Variants in BICC1 observed in about 807,000 individuals in gnomAD.
BICC1 encodes the protein BicC family RNA binding protein 1.
A neutral mutation model predicts 111.0 loss-of-function variants in BICC1; 43 were observed. The ratio of observed to expected loss-of-function variants is 0.39; its 90% CI spans 0.30 to 0.50. The LOEUF is 0.50. BICC1 is among the 20% of genes least tolerant of loss of function. The pLI is 0.88. For synonymous variants in BICC1, 467 were observed against 434.4 expected, an observed-to-expected ratio of 1.07 and a Z score of -0.93; for missense variants, 1,091 against 1,203.2, an observed-to-expected ratio of 0.91 and a Z score of 1.38.
intron 2 of BICC1, among the ~76,000 whole-genome samples, chr10:58,645,422 A>G (rs1418753162): frequency 6.6e-6 from 1 of 151,462 alleles, no homozygotes. Context: ...AAAAAAAAAA[A>G]AAAAAAAAAA....
At chr10:58,638,176 A>G (rs1838008235) in intron 2 of BICC1, among the ~76,000 whole-genome samples, 1 of 152,194 alleles carries the variant, frequency 6.6e-6, no homozygotes, top group South Asian at 2.1e-4. Flanking sequence ...AGGGCTGGAA[A>G]TAGTGACTTA....
chr10:58,615,964 C>G (rs1331931423), intron 1 of BICC1, among the ~76,000 whole-genome samples: 1 of 152,066 alleles, frequency 6.6e-6, no homozygotes, highest in East Asian at 1.9e-4. Flanking sequence ...AAGTACACAC[C>G]CAGTCCCTGA....
In BICC1 at chr10:58,796,272, C is replaced by T. The variant is rs979370152; in HGVS notation, c.1180-68C>T. 3.0e-6 allele frequency: 4 copies of T among 1,354,578 alleles called. No individual in the cohort carries two copies. The African/African-American group carries it at 4.3e-5, about 15-fold the overall frequency. 83.9% of individuals were successfully genotyped at this position (1,354,578 alleles called of 1,614,324 possible). A position where few individuals can be genotyped will look rare whatever the true frequency, so the allele number is the denominator to read the frequency against. Reference sequence around the variant, plus strand: ...ATTAGCGTATTCATTTTCCACCTCCCTCCCCTCCCCCATTCATTGTAGACT... The same window carrying T: ...ATTAGCGTATTCATTTTCCACCTCCTTCCCCTCCCCCATTCATTGTAGACT... On this transcript the variant is annotated intron_variant, in intron 9 of 20. Coordinates refer to ENST00000373886, the MANE Select transcript of BICC1 (RefSeq NM_001080512.3).
chr10:58,519,176 C>T (rs1458119776), intron 1 of BICC1, among the ~76,000 whole-genome samples: 1 of 152,060 alleles, frequency 6.6e-6, no homozygotes, highest in Non-Finnish European at 1.5e-5. Flanking sequence ...TGGCTTTTTG[C>T]CTTATTTTTG....
Position 58,796,523 on chromosome 10 carries a change from C to T in BICC1, c.1363C>T (p.Leu455=), listed in dbSNP as rs201768109. Residue 455 remains leucine, a synonymous_variant, in exon 10 of 21, where the codon CTA becomes TTA. Coordinates refer to ENST00000373886, the MANE Select transcript of BICC1 (RefSeq NM_001080512.3). ...TTCAGCAGGCCTTGGACTCACTGGA[C>T]TAGGTATACAATTTATTATTACAGC... ...LASAGLGLTG[L]GLLGPTTLSL... 1.2e-6 allele frequency: 2 copies of T among 1,610,740 alleles called. No homozygotes were observed. Among genetic ancestry groups the T allele is most frequent in the East Asian group, 4.5e-5 (2 of 44,766 alleles).
intron 2 of BICC1, among the ~76,000 whole-genome samples, chr10:58,664,777 A>G (rs1838956801): frequency 6.6e-6 from 1 of 152,094 alleles, no homozygotes; most frequent in Non-Finnish European, 1.5e-5. Flanking sequence ...GTCTGTGGTA[A>G]ATAAAATTAA....
At chr10:58,572,506 G>T (rs191165294) in intron 1 of BICC1, among the ~76,000 whole-genome samples, 153 of 152,242 alleles carry the variant, frequency 1.0e-3, no homozygotes, top group Admixed American at 1.9e-3. Flanking sequence ...GATTTAAGGA[G>T]ATTGCCTGGA....
chr10:58,796,632 C>A, intron 10 of BICC1, 106 bp downstream of exon 10: 1 of 1,105,020 alleles, frequency 9.0e-7, no homozygotes, highest in East Asian at 2.7e-5. Context: ...TTTTTTTTTC[C>A]TTTGGGCTCT....
At chr10:58,785,552 G>C (rs537978274) in intron 4 of BICC1, among the ~76,000 whole-genome samples, 1 of 151,878 alleles carries the variant, frequency 6.6e-6, no homozygotes, top group Non-Finnish European at 1.5e-5. Flanking sequence ...GTGTGATCAC[G>C]TGATGTCTCT....
intron 17 of BICC1, among the ~76,000 whole-genome samples, chr10:58,808,814 C>G (rs1159376144): frequency 6.6e-6 from 1 of 151,214 alleles, no homozygotes; most frequent in African/African-American, 2.4e-5. Flanking sequence ...CTCCTGGGTT[C>G]AGGCAATTCT....
chr10:58,700,566 A>G (rs914334413), intron 2 of BICC1, among the ~76,000 whole-genome samples: 1 of 152,210 alleles, frequency 6.6e-6, no homozygotes, highest in Non-Finnish European at 1.5e-5. Flanking sequence ...CCAGACCAGT[A>G]CCTTGACTTA....
chr10:58,667,450 G>A (rs1332510981), intron 2 of BICC1, among the ~76,000 whole-genome samples: 1 of 394 alleles, frequency 2.5e-3, no homozygotes, highest in African/African-American at 9.1e-3. Context: ...TAATTCTTAG[G>A]GAAGGTAGTT....
chr10:58,828,064 G>A (rs1345397454), intron 20 of BICC1, among the ~76,000 whole-genome samples: 2 of 152,174 alleles, frequency 1.3e-5, no homozygotes, highest in South Asian at 2.1e-4. Context: ...ATAACATACA[G>A]AACATGTGTT....
intron 2 of BICC1, among the ~76,000 whole-genome samples, chr10:58,701,657 G>C (rs1328148776): frequency 1.3e-5 from 2 of 152,070 alleles, no homozygotes; most frequent in East Asian, 3.9e-4. Context: ...ATTTAGTATG[G>C]TCTAACTCAT....
chr10:58,793,050 G>A (rs944543353), intron 8 of BICC1, among the ~76,000 whole-genome samples: 1 of 152,082 alleles, frequency 6.6e-6, no homozygotes, highest in African/African-American at 2.4e-5. Context: ...GCTAAAATGT[G>A]GAACTCTTTA....
chr10:58,691,388 T>C (rs1002549103), intron 2 of BICC1, among the ~76,000 whole-genome samples: 13 of 152,184 alleles, frequency 8.5e-5, no homozygotes, highest in Admixed American at 6.5e-4. Flanking sequence ...AATTATTCCT[T>C]GGAGAATGAA....
At chr10:58,571,924 A>G (rs990607671) in intron 1 of BICC1, among the ~76,000 whole-genome samples, 1 of 152,164 alleles carries the variant, frequency 6.6e-6, no homozygotes, top group African/African-American at 2.4e-5. Context: ...ATCTTCCACA[A>G]TGGTTGAACT....
chr10:58,815,675 A>G (rs1844064889), intron 18 of BICC1, among the ~76,000 whole-genome samples: 1 of 152,126 alleles, frequency 6.6e-6, no homozygotes, highest in South Asian at 2.1e-4. Flanking sequence ...AAGAGAGACT[A>G]TAGAAACTAC....
intron 2 of BICC1, among the ~76,000 whole-genome samples, chr10:58,654,094 G>T (rs974052263): frequency 2.9e-5 from 4 of 135,706 alleles, no homozygotes; most frequent in Admixed American, 7.6e-5. Context: ...TTGGACATTT[G>T]GGTTGGTTCC....
Sources: gnomAD v4.1 joint callset for allele counts (sites outside exome capture counted in the v4.1 genomes callset) on GRCh38, gnomAD v4.1.1 for gene constraint, MANE v1.5 for transcripts, NCBI Gene and HGNC (gene_info 2026-07-23, HGNC 2026-07-21) for gene names.